PPCDC: variants seen among roughly 807,000 people sequenced by gnomAD.
PPCDC encodes the protein phosphopantothenoylcysteine decarboxylase.
A neutral mutation model predicts 20.7 loss-of-function variants in PPCDC; 20 were observed. The observed-to-expected ratio is 0.97, with a 90% CI of 0.68 to 1.41. PPCDC has a LOEUF of 1.41. PPCDC is among the 40% of genes most tolerant of loss of function. PPCDC has a pLI of 0.00. For missense variants in PPCDC, 246 were observed against 263.8 expected (o/e 0.93, Z 0.47); for synonymous variants, 88 against 100.3 (o/e 0.88, Z 0.73).
chr15:75,038,986 A>G (rs1013552351), intron 2 of PPCDC, among the ~76,000 whole-genome samples: 1 of 152,024 alleles, frequency 6.6e-6, no homozygotes, highest in Admixed American at 6.6e-5. Flanking sequence ...CATTTTAAAA[A>G]GTGTTATGTT....
intron 2 of PPCDC, among the ~76,000 whole-genome samples, chr15:75,035,172 G>A (rs993676169): frequency 3.3e-5 from 5 of 152,242 alleles, no homozygotes; most frequent in African/African-American, 9.6e-5. Flanking sequence ...TGCTCTTCAC[G>A]GATAATGCTG....
In PPCDC at chr15:75,049,174, G is replaced by T; in HGVS notation, c.554G>T (p.Gly185Val). The change falls in exon 6 of 6, where the codon GGG becomes GTG. Residue 185 changes from glycine (G) to valine (V), a missense_variant. Gly to Val is a moderately radical substitution (Grantham distance 109). This residue lies in a region of PPCDC where 21 missense variants were observed against 41.2 expected (regional missense o/e 0.51). Coordinates refer to ENST00000342932, the MANE Select transcript of PPCDC (RefSeq NM_021823.5). ...DEGLGAMAEV[G>V]TIVDKVKEVL... ...GGTCTCGGGGCCATGGCTGAAGTGGGGACCATCGTGGACAAAGTGAAAGAA... is the reference window on the plus strand; with the variant it reads ...GGTCTCGGGGCCATGGCTGAAGTGGTGACCATCGTGGACAAAGTGAAAGAA... 1 of 1,614,210 alleles carries T rather than the reference G, an allele frequency of 6.2e-7. No individual in the cohort carries two copies. The highest frequency in any genetic ancestry group is 8.5e-7 in the Non-Finnish European group (1 of 1,180,038).
rs760809563 is a variant in PPCDC at position 75,049,859 on chromosome 15, A to AGTCT, written c.*624_*625insGTCT. ...CTCACCGGCACTCTTTAGTCCCCGT[A>AGTCT]TAACATGGTGGTTAAGGATAAAGAT... On this transcript the variant is annotated 3_prime_UTR_variant, in exon 6 of 6. Coordinates refer to ENST00000342932, the MANE Select transcript of PPCDC (RefSeq NM_021823.5). 1.1e-3 allele frequency: 162 copies of AGTCT among 152,532 alleles called. No homozygotes were observed. The highest frequency in any genetic ancestry group is 1.9e-3 in the Non-Finnish European group (128 of 68,214). The allele number at this position is 152,532 out of a possible 1,614,324, so 9.4% of individuals were successfully genotyped here.
rs2065983882 is a variant in PPCDC at position 75,028,456 on chromosome 15, G to A, written c.135+3G>A. On this transcript the variant is annotated splice_donor_region_variant and intron_variant, in intron 2 of 5. Coordinates refer to ENST00000342932, the MANE Select transcript of PPCDC (RefSeq NM_021823.5). ...CAAAGCTTTTGGACATTCCTGGGGT[G>A]AGTATCCTCACCAGATAAGCATGGC... is the stretch of plus-strand genomic sequence containing the variant. 1 of 1,614,182 alleles carries A rather than the reference G, an allele frequency of 6.2e-7. No individual in the cohort carries two copies.
chr15:75,042,858 C>T (rs1036156717), intron 2 of PPCDC, among the ~76,000 whole-genome samples: 2 of 152,200 alleles, frequency 1.3e-5, no homozygotes, highest in African/African-American at 4.8e-5. Context: ...AGGGCACACA[C>T]AGGCTGGGTT....
At position 75,027,054 on chromosome 15, in the gene PPCDC, A is replaced by G. The variant is rs74023911; in HGVS notation, c.-72-1193A>G. Among the ~76,000 whole-genome samples, 2,172 of 152,318 alleles carry G rather than the reference A, an allele frequency of 0.014. 124 individuals carry two copies. The East Asian group carries it at 0.21, about 15-fold the overall frequency. On this transcript the variant is annotated intron_variant, in intron 1 of 5. Coordinates refer to ENST00000342932, the MANE Select transcript of PPCDC (RefSeq NM_021823.5). ...CCGGCTAGTGGACTGCTGGTTGGCA[A>G]TTAGACCCGGTCACACATTCAGGGA... is the stretch of plus-strand genomic sequence containing the variant.
rs2065981243 is a variant in PPCDC at position 75,028,330 on chromosome 15, G to A, written c.12G>A (p.Lys4=). The A allele has an allele frequency of 1.9e-6, 3 of 1,614,100 alleles. No individual in the cohort carries two copies. In the East Asian group the frequency reaches 6.7e-5, roughly 36 times the overall value. The change falls in exon 2 of 6, where the codon AAG becomes AAA. Residue 4 remains lysine, a synonymous_variant. Coordinates refer to ENST00000342932, the MANE Select transcript of PPCDC (RefSeq NM_021823.5). Reference sequence around the variant, plus strand: ...CCACCAGACCCCACATGGAACCAAAGGCCTCCTGTCCAGCTGCTGCACCCT... The same window carrying A: ...CCACCAGACCCCACATGGAACCAAAAGCCTCCTGTCCAGCTGCTGCACCCT... MEP[K]ASCPAAAPLM...
intron 2 of PPCDC, among the ~76,000 whole-genome samples, chr15:75,038,631 T>G (rs116812144): frequency 1.1e-3 from 175 of 152,330 alleles, no homozygotes; most frequent in African/African-American, 3.9e-3. Context: ...CCAATAGACA[T>G]GACGCTCTAA....
intron 2 of PPCDC, among the ~76,000 whole-genome samples, chr15:75,036,685 G>T (rs1467923089): frequency 1.3e-5 from 2 of 152,160 alleles, no homozygotes; most frequent in African/African-American, 4.8e-5. Flanking sequence ...CTCCCCAGGG[G>T]ACAGTGGGGG....
intron 2 of PPCDC, among the ~76,000 whole-genome samples, chr15:75,029,882 C>G (rs1413685316): frequency 6.6e-6 from 1 of 152,148 alleles, no homozygotes; most frequent in Non-Finnish European, 1.5e-5. Flanking sequence ...GCGGGGAGTC[C>G]TATCCCAGGA....
chr15:75,030,791 G>A (rs1408467442), intron 2 of PPCDC, among the ~76,000 whole-genome samples: 3 of 152,186 alleles, frequency 2.0e-5, no homozygotes, highest in Non-Finnish European at 2.9e-5. Flanking sequence ...CAGCTGGGGT[G>A]TGGGCTGCAG....
intron 2 of PPCDC, among the ~76,000 whole-genome samples, chr15:75,029,969 T>C (rs5020842): frequency 0.33 from 49,624 of 151,914 alleles, 9,461 homozygotes; most frequent in East Asian, 0.62. Context: ...CAGCGTTTGG[T>C]GGGAGGGGGG....
intron 2 of PPCDC, among the ~76,000 whole-genome samples, chr15:75,029,875 G>A (rs1373205788): frequency 6.6e-6 from 1 of 152,180 alleles, no homozygotes; most frequent in Non-Finnish European, 1.5e-5. Flanking sequence ...GATAGGGGCG[G>A]GGAGTCCTAT....
At chr15:75,025,658 A>G (rs570470317) in intron 1 of PPCDC, among the ~76,000 whole-genome samples, 4 of 152,130 alleles carry the variant, frequency 2.6e-5, no homozygotes, top group Admixed American at 6.5e-5. Context: ...TAACCTGCCC[A>G]CTTGCCAACT....
chr15:75,039,606 T>A (rs1177477480), intron 2 of PPCDC, among the ~76,000 whole-genome samples: 1 of 152,184 alleles, frequency 6.6e-6, no homozygotes, highest in East Asian at 1.9e-4. Flanking sequence ...AATTGGCTTG[T>A]GTCTCAGTTA....
intron 3 of PPCDC, 21 bp from the exon 4 acceptor site, chr15:75,044,365 C>T: frequency 1.9e-6 from 3 of 1,612,226 alleles, no homozygotes; most frequent in African/African-American, 1.3e-5. Context: ...CACACTGACC[C>T]CTTTTTCTTC....
intron 4 of PPCDC, chr15:75,045,218 A>C (rs2066215822): frequency 1.3e-5 from 2 of 152,890 alleles, no homozygotes; most frequent in Non-Finnish European, 2.9e-5. Context: ...GCCACCCCCC[A>C]CCTCATTTAT....
intron 2 of PPCDC, among the ~76,000 whole-genome samples, chr15:75,036,415 C>T (rs891685189): frequency 3.9e-5 from 6 of 152,212 alleles, no homozygotes; most frequent in African/African-American, 1.4e-4. Context: ...GCCTGCTAGA[C>T]AGCACTGGGG....
intron 2 of PPCDC, among the ~76,000 whole-genome samples, chr15:75,042,520 G>C (rs1035678840): frequency 6.6e-6 from 1 of 152,084 alleles, no homozygotes; most frequent in African/African-American, 2.4e-5. Context: ...AGGCGTGGTG[G>C]TGTGCACCTG....
Sources: gnomAD v4.1 joint callset for allele counts (sites outside exome capture counted in the v4.1 genomes callset) on GRCh38, gnomAD v4.1.1 for gene constraint, gnomAD v4.1.1 regional missense constraint, MANE v1.5 for transcripts, NCBI Gene and HGNC (gene_info 2026-07-23, HGNC 2026-07-21) for gene names.